Variants in CYP4F22 observed in about 807,000 individuals in gnomAD.
CYP4F22 encodes cytochrome P450 family 4 subfamily F member 22, also known as ultra-long-chain fatty acid omega-hydroxylase.
In CYP4F22, 37 loss-of-function variants were observed where a neutral mutation model predicts 60.4. The ratio of observed to expected loss-of-function variants is 0.61; its 90% CI spans 0.47 to 0.81. CYP4F22 has a LOEUF of 0.81. Among genes scored for constraint, CYP4F22 ranks in the 30% least tolerant of loss-of-function variants. The probability of loss-of-function intolerance (pLI) is 0.00; values close to 1 mark genes in which losing one functional copy is unlikely to be tolerated. For synonymous variants in CYP4F22, 258 were observed against 280.5 expected (o/e 0.92, Z 0.80); for missense variants, 655 against 715.0 (o/e 0.92, Z 0.96).
chr19:15,522,626 T>C (rs1971238376), intron 1 of CYP4F22, among the ~76,000 whole-genome samples: 1 of 152,158 alleles, frequency 6.6e-6, no homozygotes, highest in Non-Finnish European at 1.5e-5. Flanking sequence ...CATTGAGCCG[T>C]GATAGTACTC....
chr19:15,544,002 A>G lies in CYP4F22; in HGVS notation c.971A>G (p.Asp324Gly), dbSNP rs775288087. The G allele has an allele frequency of 8.1e-6, 13 of 1,614,114 alleles. No individual in the cohort carries two copies. Among genetic ancestry groups the G allele is most frequent in the Non-Finnish European group, 9.3e-6 (11 of 1,180,020 alleles). Reference protein sequence around the residue: ...DEDGKELSDEDIRAEADTFMF... With the variant: ...DEDGKELSDEGIRAEADTFMF... ...GATGGAAAGGAACTGTCAGACGAGG[A>G]TATCCGAGCCGAAGCAGACACCTTC... The change falls in exon 9 of 14, where the codon GAT becomes GGT. Residue 324 changes from aspartate (D) to glycine (G), a missense_variant. This residue lies in a region of CYP4F22 where 430 missense variants were observed against 457.1 expected (regional missense o/e 0.94). Coordinates refer to ENST00000269703, the MANE Select transcript of CYP4F22 (RefSeq NM_173483.4).
At chr19:15,537,306 A>G in intron 4 of CYP4F22, 55 bp from the exon 5 acceptor site, 1 of 1,611,074 alleles carries the variant, frequency 6.2e-7, no homozygotes, top group Admixed American at 1.7e-5. Context: ...GTAAAAAAAA[A>G]CAAAAAACCA....
At chr19:15,515,506 C>T in intron 1 of CYP4F22, 1 of 666,640 alleles carries the variant, frequency 1.5e-6, no homozygotes, top group Non-Finnish European at 2.8e-6. Context: ...GGATGGTTCG[C>T]CTGAGGTCAG....
intron 4 of CYP4F22, among the ~76,000 whole-genome samples, chr19:15,536,076 T>C (rs909871586): frequency 3.3e-5 from 5 of 152,186 alleles, no homozygotes; most frequent in African/African-American, 9.7e-5. Context: ...TGGTGGCTTA[T>C]GCCTGTAGTC....
At position 15,525,403 on chromosome 19, in the gene CYP4F22, G is replaced by C. The variant is rs752130618; in HGVS notation, c.67G>C (p.Ala23Pro). 1 of 1,614,110 alleles carries C rather than the reference G, an allele frequency of 6.2e-7. No homozygotes were observed. Among genetic ancestry groups the C allele is most frequent in the South Asian group, 1.1e-5 (1 of 91,080 alleles). ...GLEKTAFRIY[A>P]VSTLLLFLLF... is the part of the protein sequence containing the mutation. ...GGAGAAGACGGCGTTCCGCATATAC[G>C]CGGTGTCCACCCTTCTCCTCTTCCT... Residue 23 changes from alanine (A) to proline (P), a missense_variant, in exon 3 of 14, where the codon GCG becomes CCG. Coordinates refer to ENST00000269703, the MANE Select transcript of CYP4F22 (RefSeq NM_173483.4).
At chr19:15,537,127 T>C (rs2144527402) in intron 4 of CYP4F22, among the ~76,000 whole-genome samples, 1 of 152,146 alleles carries the variant, frequency 6.6e-6, no homozygotes, top group South Asian at 2.1e-4. Context: ...GGTGAAACTC[T>C]GTCTCTGCTA....
intron 1 of CYP4F22, among the ~76,000 whole-genome samples, chr19:15,510,761 A>G (rs140749544): frequency 4.2e-4 from 64 of 151,996 alleles, no homozygotes; most frequent in Admixed American, 1.1e-3. Flanking sequence ...CTCATTAGTC[A>G]TAAATGACTC....
intron 1 of CYP4F22, among the ~76,000 whole-genome samples, chr19:15,518,606 G>A (rs1198966606): frequency 1.4e-4 from 17 of 125,112 alleles, no homozygotes; most frequent in Admixed American, 3.0e-4. Context: ...CCGAGATCGC[G>A]CCACTGCACT....
chr19:15,537,319 A>G, intron 4 of CYP4F22, 42 bp from the exon 5 acceptor site: 1 of 1,613,126 alleles, frequency 6.2e-7, no homozygotes, highest in South Asian at 1.1e-5. Context: ...AAAAACCAAA[A>G]AACTCTGTTT....
chr19:15,509,988 G>T lies in CYP4F22; in HGVS notation c.-109+1405G>T, dbSNP rs369535689. ...TCTTTCTTTCTTTCTTTCTTTTTTT[G>T]TTGTTGTTGTTGAGACAGGGTCTCA... On this transcript the variant is annotated intron_variant, in intron 1 of 13. Transcript: ENST00000269703. Among the ~76,000 whole-genome samples, 888 of 107,914 alleles carry T rather than the reference G, an allele frequency of 8.2e-3. 10 individuals carry two copies. Among genetic ancestry groups the T allele is most frequent in the African/African-American group, 0.029 (817 of 27,886 alleles). 70.8% of individuals were successfully genotyped at this position (107,914 alleles called of 152,430 possible).
At chr19:15,533,518 T>G (rs1971364912) in intron 4 of CYP4F22, among the ~76,000 whole-genome samples, 1 of 152,168 alleles carries the variant, frequency 6.6e-6, no homozygotes, top group Admixed American at 6.5e-5. Flanking sequence ...TGTGATCTTT[T>G]TGTGTCTGTT....
intron 4 of CYP4F22, among the ~76,000 whole-genome samples, chr19:15,531,012 C>T (rs1350084863): frequency 6.6e-6 from 1 of 152,072 alleles, no homozygotes; most frequent in East Asian, 1.9e-4. Flanking sequence ...GAAGCTGAGG[C>T]AGGAGGGTTG....
At chr19:15,518,573 C>G (rs950128648) in intron 1 of CYP4F22, among the ~76,000 whole-genome samples, 1 of 138,224 alleles carries the variant, frequency 7.2e-6, no homozygotes, top group Non-Finnish European at 1.5e-5. Context: ...AGTGTGAACC[C>G]GGGGAGCGGA....
intron 1 of CYP4F22, among the ~76,000 whole-genome samples, chr19:15,509,927 T>TTCTTTCTTTCTTTCTTTTCTCTGTCTC (rs1971069418): frequency 7.6e-6 from 1 of 131,874 alleles, no homozygotes. Flanking sequence ...CCTTCCTTCT[T>TTCTTTCTTTCTTTCTTTTCTCTGTCTC]TCTTTCTTTC....
At chr19:15,538,043 G>T (rs763037152) in intron 7 of CYP4F22, 50 bp downstream of exon 7, 1 of 1,611,936 alleles carries the variant, frequency 6.2e-7, no homozygotes, top group South Asian at 1.1e-5. Context: ...CTAGGAGCAA[G>T]ATGGTGGCAG....
chr19:15,515,719 C>CT (rs1273417924), intron 1 of CYP4F22, among the ~76,000 whole-genome samples: 1 of 151,438 alleles, frequency 6.6e-6, no homozygotes, highest in Non-Finnish European at 1.5e-5. Context: ...GAGCGAGACT[C>CT]TGTCTTTTTT....
chr19:15,519,090 G>A (rs1335708794), intron 1 of CYP4F22, among the ~76,000 whole-genome samples: 2 of 152,060 alleles, frequency 1.3e-5, no homozygotes, highest in Non-Finnish European at 2.9e-5. Context: ...ACCTGGCAGT[G>A]CTGGACACTG....
intron 1 of CYP4F22, among the ~76,000 whole-genome samples, chr19:15,513,120 G>T (rs1391794508): frequency 6.6e-6 from 1 of 151,908 alleles, no homozygotes; most frequent in Non-Finnish European, 1.5e-5. Context: ...TAACTCGCAG[G>T]GGTACCAGGC....
chr19:15,514,704 AGAAG>A (rs1218458370), intron 1 of CYP4F22, among the ~76,000 whole-genome samples: 1 of 152,082 alleles, frequency 6.6e-6, no homozygotes, highest in Non-Finnish European at 1.5e-5. Context: ...AAAGAAAGAA[AGAAG>A]GAAGGAAGGC....
Sources: gnomAD v4.1 joint callset for allele counts (sites outside exome capture counted in the v4.1 genomes callset) on GRCh38, gnomAD v4.1.1 for gene constraint, gnomAD v4.1.1 regional missense constraint, MANE v1.5 for transcripts, NCBI Gene and HGNC (gene_info 2026-07-23, HGNC 2026-07-21) for gene names.